The following ZNF469 variants were observed in gnomAD, a reference collection of about 807,000 sequenced individuals.
ZNF469 encodes the protein zinc finger protein 469.
ZNF469 carries 1 observed loss-of-function variant against 1.0 expected under a neutral mutation model. The observed-to-expected ratio is 1.00, with a 90% CI of 0.35 to 4.73. The LOEUF is 4.73. Among genes scored for constraint, ZNF469 ranks in the 30% most tolerant of loss-of-function variants. The pLI, the probability that ZNF469 is intolerant of heterozygous loss-of-function variation, is 0.16. For missense variants in ZNF469, 6,100 were observed against 5,356.3 expected (o/e 1.14, Z -4.33); for synonymous variants, 2,703 against 2,363.4 (o/e 1.14, Z -4.17).
chr16:88,243,659 G>A, the ZNF469 span, among the ~76,000 whole-genome samples: 10 of 151,594 alleles, frequency 6.6e-5, no homozygotes, highest in African/African-American at 2.4e-4. Context: ...GGATGGGTGG[G>A]TGGATGGGTA....
At chr16:88,240,439 A>C in the ZNF469 span, among the ~76,000 whole-genome samples, 1 of 152,170 alleles carries the variant, frequency 6.6e-6, no homozygotes, top group Non-Finnish European at 1.5e-5. Flanking sequence ...CTGCGTGGGG[A>C]GGCTGGCCTT....
At chr16:88,242,530 G>T in the ZNF469 span, among the ~76,000 whole-genome samples, 76,755 of 136,752 alleles carry the variant, frequency 0.56, 21,621 homozygotes, top group African/African-American at 0.8. Flanking sequence ...CATGCTACCT[G>T]AGTCACCTCT....
At chr16:88,411,674 G>A (rs917698970) in intron 1 of ZNF469, among the ~76,000 whole-genome samples, 3 of 152,140 alleles carry the variant, frequency 2.0e-5, no homozygotes, top group East Asian at 1.9e-4. Flanking sequence ...GGCAGGAGAC[G>A]GCGGTGGCCT....
the ZNF469 span, among the ~76,000 whole-genome samples, chr16:88,221,716 G>A: frequency 6.6e-6 from 1 of 152,210 alleles, no homozygotes; most frequent in Non-Finnish European, 1.5e-5. Flanking sequence ...ATCCTTGCAC[G>A]CTTCCAGCGG....
chr16:88,400,964 G>A (rs1458053670), intron 1 of ZNF469, among the ~76,000 whole-genome samples: 2 of 152,058 alleles, frequency 1.3e-5, no homozygotes, highest in African/African-American at 4.8e-5. Flanking sequence ...GGTTGCTTCT[G>A]CAGACCGGAG....
At chr16:88,293,922 G>A in the ZNF469 span, among the ~76,000 whole-genome samples, 6 of 152,276 alleles carry the variant, frequency 3.9e-5, no homozygotes, top group South Asian at 4.1e-4. Flanking sequence ...TGGGGTTCAC[G>A]TGACACAGGT....
the ZNF469 span, among the ~76,000 whole-genome samples, chr16:88,281,245 C>T: frequency 7.4e-6 from 1 of 135,162 alleles, no homozygotes; most frequent in Admixed American, 7.9e-5. Flanking sequence ...CTGTGCCACA[C>T]CGATTCTTGG....
chr16:88,258,693 G>T, the ZNF469 span, among the ~76,000 whole-genome samples: 1 of 152,234 alleles, frequency 6.6e-6, no homozygotes, highest in East Asian at 1.9e-4. Flanking sequence ...TGGTGGTGGT[G>T]GTCCTTGTGG....
chr16:88,232,933 C>A, the ZNF469 span, among the ~76,000 whole-genome samples: 1 of 152,228 alleles, frequency 6.6e-6, no homozygotes, highest in Non-Finnish European at 1.5e-5. Context: ...GTCTGGCCGC[C>A]GCCTAGCAGG....
the ZNF469 span, among the ~76,000 whole-genome samples, chr16:88,232,882 C>A: frequency 4.6e-5 from 7 of 152,376 alleles, no homozygotes; most frequent in African/African-American, 1.7e-4. Context: ...TGCGCCCCAG[C>A]CTTCTCAGCA....
the ZNF469 span, among the ~76,000 whole-genome samples, chr16:88,124,494 A>G: frequency 6.6e-6 from 1 of 152,386 alleles, no homozygotes; most frequent in South Asian, 2.1e-4. Context: ...AAGTGCTGGG[A>G]TCACAGGCAT....
chr16:88,353,537 G>A, the ZNF469 span, among the ~76,000 whole-genome samples: 10 of 152,176 alleles, frequency 6.6e-5, no homozygotes, highest in Admixed American at 3.3e-4. Context: ...CCAGCCTCTC[G>A]CGGCTCACTG....
chr16:88,285,650 G>A, the ZNF469 span, among the ~76,000 whole-genome samples: 358 of 152,376 alleles, frequency 2.3e-3, 2 homozygotes, highest in Admixed American at 4.5e-3. Context: ...AGACACGCTG[G>A]AAGCGTCGGC....
chr16:88,356,823 G>T, the ZNF469 span, among the ~76,000 whole-genome samples: 1 of 152,220 alleles, frequency 6.6e-6, no homozygotes, highest in South Asian at 2.1e-4. Context: ...GGCAGGAGCC[G>T]CATCAGTTCC....
chr16:88,414,452 G>A (rs1009475301), intron 1 of ZNF469, among the ~76,000 whole-genome samples: 3 of 152,242 alleles, frequency 2.0e-5, no homozygotes, highest in African/African-American at 7.2e-5. Context: ...TCGAGTTGTT[G>A]GAGGCCCAGG....
chr16:88,221,217 C>T, the ZNF469 span, among the ~76,000 whole-genome samples: 2 of 152,240 alleles, frequency 1.3e-5, no homozygotes, highest in African/African-American at 2.4e-5. Context: ...AGGACAGACC[C>T]GGGCTGGCTG....
upstream of ZNF469, among the ~76,000 whole-genome samples, chr16:88,380,821 C>T (rs111067838): frequency 0.44 from 60,287 of 136,902 alleles, 15,921 homozygotes; most frequent in African/African-American, 0.75. Context: ...CACCCAGACA[C>T]ACACACACAC....
intron 1 of ZNF469, among the ~76,000 whole-genome samples, chr16:88,388,039 G>A (rs1051435388): frequency 1.3e-5 from 2 of 152,266 alleles, no homozygotes; most frequent in Non-Finnish European, 1.5e-5. Context: ...TACCAAGTGG[G>A]GTGCACAGCA....
rs1490705768 is a variant in ZNF469, at chr16:88,434,234, A to T, written c.6764A>T (p.Asp2255Val). The T allele has an allele frequency of 1.3e-6, 2 of 1,550,324 alleles. No individual in the cohort carries two copies. Among genetic ancestry groups the T allele is most frequent in the Non-Finnish European group, 1.7e-6 (2 of 1,146,954 alleles). ...GACAGCACTTTAAGAATTCCAGAGG[A>T]TTCCAGAAAAGAGAAGCTGTGGGAG... ...PKDSTLRIPEDSRKEKLWESP... is the reference protein window; with the variant it reads ...PKDSTLRIPEVSRKEKLWESP... Residue 2255 changes from aspartate (D) to valine (V), a missense_variant, in exon 3 of 3, where the codon GAT becomes GTT. Coordinates refer to ENST00000565624, the MANE Select transcript of ZNF469 (RefSeq NM_001367624.2).
Sources: gnomAD v4.1 joint callset for allele counts (sites outside exome capture counted in the v4.1 genomes callset) on GRCh38, gnomAD v4.1.1 for gene constraint, MANE v1.5 for transcripts, NCBI Gene and HGNC (gene_info 2026-07-23, HGNC 2026-07-21) for gene names.